The following KLK10 variants were observed in gnomAD, a reference collection of about 807,000 sequenced individuals.
The protein encoded by KLK10 is kallikrein-10.
KLK10 carries 27 observed loss-of-function variants against 25.7 expected under a neutral mutation model. The observed-to-expected ratio is 1.05, with a 90% CI of 0.77 to 1.45. The LOEUF (loss-of-function observed/expected upper bound fraction) is 1.45. Among genes scored for constraint, KLK10 ranks in the 40% most tolerant of loss-of-function variants. The pLI, the probability that KLK10 is intolerant of heterozygous loss-of-function variation, is 0.00. For missense variants in KLK10, 386 were observed against 370.0 expected (o/e 1.04, Z -0.35); for synonymous variants, 173 against 160.1 (o/e 1.08, Z -0.61).
At position 51,014,705 on chromosome 19, in the gene KLK10, G is replaced by T. The variant is rs1027629961; in HGVS notation, c.*95C>A. On this transcript the variant is annotated 3_prime_UTR_variant, in exon 6 of 6. Transcript: ENST00000358789. ...ACAGTGCAGACAAGGGGAGAGTTCA[G>T]CCGACTGGGGAGGAAGAGGATGGAC... The T allele has an allele frequency of 1.5e-6, 2 of 1,351,034 alleles. No homozygotes were observed. The highest frequency in any genetic ancestry group is 2.1e-6 in the Non-Finnish European group (2 of 960,234). 83.7% of individuals were successfully genotyped at this position (1,351,034 alleles called of 1,614,324 possible).
chr19:51,014,789 TAGCATCTGGATCAGTTGGAGC>T lies in KLK10; in HGVS notation c.821_*10del, dbSNP rs1568562622. ...CATAACATCTGGATCAGCTGGAGCG[TAGCATCTGGATCAGTTGGAGC>T]GTATGACTTTATTGATCCAGGACAT... On this transcript the variant is annotated stop_lost and 3_prime_UTR_variant, in exon 6 of 6. Transcript: ENST00000358789. 1.3e-6 allele frequency: 2 copies of T among 1,575,340 alleles called. No homozygotes were observed. The highest frequency in any genetic ancestry group is 3.6e-4 in the Middle Eastern group (2 of 5,538).
chr19:51,018,883 G>A (rs2091371843), intron 2 of KLK10, 160 bp downstream of exon 2: 1 of 623,284 alleles, frequency 1.6e-6, no homozygotes. Context: ...GCCAGAAGAA[G>A]GGCCCAGCTG....
intron 3 of KLK10, among the ~76,000 whole-genome samples, chr19:51,016,598 T>G (rs1465602930): frequency 6.6e-6 from 1 of 150,700 alleles, no homozygotes; most frequent in East Asian, 1.9e-4. Flanking sequence ...ATTTTTTATT[T>G]TTTATTTTAT....
At position 51,017,274 on chromosome 19, in the gene KLK10, C is replaced by G; in HGVS notation, c.105G>C (p.Leu35=). 1 of 1,605,406 alleles carries G rather than the reference C, an allele frequency of 6.2e-7. No individual in the cohort carries two copies. Reference sequence around the variant, plus strand: ...CCAAGCGCGTGTCGTTTTGGGGGAGCAGCGCCGCCTCTGCGGCTGGAGAAA... The same window carrying G: ...CCAAGCGCGTGTCGTTTTGGGGGAGGAGCGCCGCCTCTGCGGCTGGAGAAA... ...MAQLWAAEAA[L]LPQNDTRLDP... is the part of the protein sequence containing the mutation. Residue 35 remains leucine, a synonymous_variant, in exon 3 of 6, where the codon CTG becomes CTC. Coordinates refer to ENST00000358789, the MANE Select transcript of KLK10 (RefSeq NM_145888.3).
chr19:51,014,752 G>T lies in KLK10; in HGVS notation c.*48C>A. 1 of 1,593,426 alleles carries T rather than the reference G, an allele frequency of 6.3e-7. No individual in the cohort carries two copies. The highest frequency in any genetic ancestry group is 8.6e-7 in the Non-Finnish European group (1 of 1,165,410). On this transcript the variant is annotated 3_prime_UTR_variant, in exon 6 of 6. Transcript: ENST00000358789. ...GGACGATGGAGCCTCTGGGCATCTG[G>T]ATCAGCAGGAGCATAACATCTGGAT...
chr19:51,017,150 C>T lies in KLK10; in HGVS notation c.229G>A (p.Asp77Asn), dbSNP rs1422587523. Residue 77 changes from aspartate to asparagine, a missense_variant, in exon 3 of 6, where the codon GAC (aspartate) becomes AAC (asparagine). Transcript: ENST00000358789. ...GCGGCCGTCAGCACCCAACTCTGGTCCACCAGGACACCCGCGCAGTGGAAC... is the reference window on the plus strand; with the variant it reads ...GCGGCCGTCAGCACCCAACTCTGGTTCACCAGGACACCCGCGCAGTGGAAC... ...LSFHCAGVLV[D>N]QSWVLTAAHC... The T allele has an allele frequency of 2.5e-6, 4 of 1,611,546 alleles. No individual in the cohort carries two copies. The highest frequency in any genetic ancestry group is 3.4e-6 in the Non-Finnish European group (4 of 1,179,564).
Position 51,018,875 on chromosome 19 carries a change from CAGA to C in KLK10, c.88+165_88+167del, listed in dbSNP as rs1459605587. The C allele has an allele frequency of 2.3e-5, 14 of 615,372 alleles. No homozygotes were observed. In the East Asian group the frequency reaches 3.1e-4, roughly 13 times the overall value. 38.1% of individuals were successfully genotyped at this position (615,372 alleles called of 1,614,324 possible). On this transcript the variant is annotated intron_variant, in intron 2 of 5. Coordinates refer to ENST00000358789, the MANE Select transcript of KLK10 (RefSeq NM_145888.3). ...GGGGCGGGTCACCCAGGGGCCGAGC[CAGA>C]AGAAGGGCCCAGCTGACTTGGGGGC...
chr19:51,018,164 C>CAAAAAAAAAAAAAAAAAAAAAAAAAAAA (rs35154267), intron 2 of KLK10, among the ~76,000 whole-genome samples: 11 of 36,442 alleles, frequency 3.0e-4, no homozygotes, highest in Non-Finnish European at 4.0e-4. Flanking sequence ...TGCCCTGTCT[C>CAAAAAAAAAAAAAAAAAAAAAAAAAAAA]AAAAAAAAAA....
At position 51,015,868 on chromosome 19, in the gene KLK10, G is replaced by A; in HGVS notation, c.544+14C>T. 6.6e-7 allele frequency: 1 copy of A among 1,515,318 alleles called. No individual in the cohort carries two copies. Among genetic ancestry groups the A allele is most frequent in the Non-Finnish European group, 8.8e-7 (1 of 1,133,948 alleles). The allele number at this position is 1,515,318 out of a possible 1,614,324, so 93.9% of individuals were successfully genotyped here. A position where few individuals can be genotyped will look rare whatever the true frequency, so the allele number is the denominator to read the frequency against. On this transcript the variant is annotated intron_variant, in intron 4 of 5. Transcript: ENST00000358789. ...CTCCTCCTGAGGTTCCGGCCTCAGA[G>A]CCCCAGCTCTTGCCTCTCCGGGCGG...
rs2122486391 is a variant in KLK10 at position 51,019,427 on chromosome 19, TCC to T, written c.-10+198_-10+199del. ...CTGCAGCCACGCCGCGCCCGAGGTT[TCC>T]CCCTCCTTCACGCGCGGGGTGGGGA... On this transcript the variant is annotated intron_variant, in intron 1 of 5. Transcript: ENST00000358789. The surrounding 1 kb of genome is among the most constrained non-coding windows in gnomAD (Gnocchi z 4.2). Among the ~76,000 whole-genome samples the T allele has an allele frequency of 1.3e-5, 2 of 152,202 alleles. No homozygotes were observed. Among genetic ancestry groups the T allele is most frequent in the East Asian group, 3.9e-4 (2 of 5,164 alleles).
chr19:51,017,742 G>A (rs1414696316), intron 2 of KLK10, among the ~76,000 whole-genome samples: 1 of 152,014 alleles, frequency 6.6e-6, no homozygotes, highest in African/African-American at 2.4e-5. Flanking sequence ...CCAGCACTTT[G>A]GGAAGCCGAG....
In KLK10 at chr19:51,014,932, C is replaced by T; in HGVS notation, c.699G>A (p.Leu233=). The change falls in exon 6 of 6, where the codon CTG becomes CTA. Residue 233 remains leucine, a synonymous_variant. Coordinates refer to ENST00000358789, the MANE Select transcript of KLK10 (RefSeq NM_145888.3). Reference sequence around the variant, plus strand: ...TGCCTTGGAGGGTCTCGTCACAGACCAGGGGGCCTCCAGAGTCACTCTGGG... The same window carrying T: ...TGCCTTGGAGGGTCTCGTCACAGACTAGGGGGCCTCCAGAGTCACTCTGGG... The part of the protein sequence containing the change: ...DPCQSDSGGP[L]VCDETLQGIL... The T allele has an allele frequency of 6.2e-7, 1 of 1,613,680 alleles. No homozygotes were observed. Among genetic ancestry groups the T allele is most frequent in the East Asian group, 2.2e-5 (1 of 44,872 alleles).
rs2091371143 is a variant in KLK10, at chr19:51,018,819, C to T, written c.88+224G>A. On this transcript the variant is annotated intron_variant, in intron 2 of 5. Transcript: ENST00000358789. ...GAAGAGTCCACGGAAGAGCGAGGATCCGGGTGGCAGAAATCGGACAGGGCC... is the reference window on the plus strand; with the variant it reads ...GAAGAGTCCACGGAAGAGCGAGGATTCGGGTGGCAGAAATCGGACAGGGCC... 31 of 584,250 alleles carry T rather than the reference C, an allele frequency of 5.3e-5. No homozygotes were observed. The South Asian group carries it at 5.8e-4, about 11-fold the overall frequency. The allele number at this position is 584,250 out of a possible 1,614,324, so 36.2% of individuals were successfully genotyped here.
chr19:51,014,817 C>T lies in KLK10; in HGVS notation c.814G>A (p.Val272Ile). The change falls in exon 6 of 6, where the codon GTC becomes ATC. Residue 272 changes from valine to isoleucine, a missense_variant. Physicochemically the swap from Val to Ile is conservative, Grantham distance 29. Coordinates refer to ENST00000358789, the MANE Select transcript of KLK10 (RefSeq NM_145888.3). ...CATCTGGATCAGTTGGAGCGTATGA[C>T]TTTATTGATCCAGGACATGTATTTG... ...ICKYMSWINK[V>I]IRSN 1.2e-6 allele frequency: 2 copies of T among 1,614,058 alleles called. No homozygotes were observed. Among genetic ancestry groups the T allele is most frequent in the Non-Finnish European group, 1.7e-6 (2 of 1,179,962 alleles).
rs1162894045 is a variant in KLK10, at chr19:51,019,288, G to T, written c.-9-149C>A. ...TAACCCCAGGGGCTGGCAGACGGGAGATTCGGGCTGGAACAGCGGTAATGG... is the reference window on the plus strand; with the variant it reads ...TAACCCCAGGGGCTGGCAGACGGGATATTCGGGCTGGAACAGCGGTAATGG... On this transcript the variant is annotated intron_variant, in intron 1 of 5. Coordinates refer to ENST00000358789, the MANE Select transcript of KLK10 (RefSeq NM_145888.3). The surrounding 1 kb of genome is among the most constrained non-coding windows in gnomAD (Gnocchi z 4.2). The T allele has an allele frequency of 1.0e-5, 6 of 576,656 alleles. No individual in the cohort carries two copies. Among genetic ancestry groups the T allele is most frequent in the African/African-American group, 1.9e-5 (1 of 51,682 alleles). The allele number at this position is 576,656 out of a possible 1,614,324, so 35.7% of individuals were successfully genotyped here.
At position 51,014,993 on chromosome 19, in the gene KLK10, C is replaced by A. The variant is rs192161608; in HGVS notation, c.679-41G>T. ...AGGAGAGATCAAATAAATGTGCCAA[C>A]GTGAGAGCTGTCACTTTGGGATCTG... On this transcript the variant is annotated intron_variant, in intron 5 of 5. Coordinates refer to ENST00000358789, the MANE Select transcript of KLK10 (RefSeq NM_145888.3). The A allele has an allele frequency of 7.6e-6, 12 of 1,583,262 alleles. No individual in the cohort carries two copies. In the African/African-American group the frequency reaches 1.6e-4, roughly 21 times the overall value.
At chr19:51,018,920 C>A in intron 2 of KLK10, 123 bp downstream of exon 2, 1 of 743,404 alleles carries the variant, frequency 1.3e-6, no homozygotes, top group Non-Finnish European at 2.2e-6. Flanking sequence ...TGCTCCGGAG[C>A]GCTGGGTGGG....
Position 51,017,172 on chromosome 19 carries a change from G to C in KLK10, c.207C>G (p.Phe69Leu), listed in dbSNP as rs147025092. ...GGTCCACCAGGACACCCGCGCAGTG[G>C]AACGAGAGGCCGTTGAAGAGCGAGA... ...WQVSLFNGLS[F>L]HCAGVLVDQS... The change falls in exon 3 of 6, where the codon TTC (phenylalanine) becomes TTG (leucine). Residue 69 changes from phenylalanine to leucine, a missense_variant. Phe to Leu is a conservative substitution (Grantham distance 22, BLOSUM62 0). Coordinates refer to ENST00000358789, the MANE Select transcript of KLK10 (RefSeq NM_145888.3). 35 of 1,611,976 alleles carry C rather than the reference G, an allele frequency of 2.2e-5. 1 individual carries two copies. In the African/African-American group the frequency reaches 4.0e-4, roughly 18 times the overall value.
At position 51,014,632 on chromosome 19, in the gene KLK10, AG is replaced by A. The variant is rs2091298622; in HGVS notation, c.*167del. On this transcript the variant is annotated 3_prime_UTR_variant, in exon 6 of 6. Transcript: ENST00000358789. ...GAGAATGGGGATAGGTGGGGGAATG[AG>A]GTGAGAGGGGAGATGTTTAGAGGTG... The A allele has an allele frequency of 8.7e-6, 5 of 572,880 alleles. No individual in the cohort carries two copies. Among genetic ancestry groups the A allele is most frequent in the Non-Finnish European group, 1.5e-5 (5 of 325,598 alleles). 35.5% of individuals were successfully genotyped at this position (572,880 alleles called of 1,614,324 possible).
Sources: allele counts gnomAD v4.1 joint callset (sites outside exome capture counted in the v4.1 genomes callset), GRCh38; gene constraint gnomAD v4.1.1; non-coding constraint Gnocchi (gnomAD v3.1); transcripts MANE v1.5; gene names NCBI Gene and HGNC (gene_info 2026-07-23, HGNC 2026-07-21).